Variants in CSGALNACT1 observed in about 807,000 individuals in gnomAD.
CSGALNACT1 encodes the protein chondroitin sulfate N-acetylgalactosaminyltransferase 1, also known as beta4GalNAcT-1.
In CSGALNACT1, 52 loss-of-function variants were observed where a neutral mutation model predicts 51.0. The ratio of observed to expected loss-of-function variants is 1.02; its 90% confidence interval spans 0.82 to 1.29. CSGALNACT1 has a LOEUF of 1.29. Among genes scored for constraint, CSGALNACT1 ranks in the 50% most tolerant of loss-of-function variants. CSGALNACT1 has a pLI of 0.00. For synonymous variants in CSGALNACT1, 341 were observed against 254.4 expected (o/e 1.34, Z -3.24); for missense variants, 935 against 679.2 (o/e 1.38, Z -4.19).
At chr8:19,636,746 T>G (rs1396446866) in intron 1 of CSGALNACT1, among the ~76,000 whole-genome samples, 2 of 152,180 alleles carry the variant, frequency 1.3e-5, no homozygotes, top group Non-Finnish European at 2.9e-5. Flanking sequence ...AGGAATAACT[T>G]TAGAGTCTTC....
intron 1 of CSGALNACT1, among the ~76,000 whole-genome samples, chr8:19,627,716 G>A (rs866190855): frequency 5.9e-5 from 9 of 152,068 alleles, no homozygotes; most frequent in East Asian, 1.9e-4. Flanking sequence ...TCCCAGCTAC[G>A]TTGGAGGCTC....
chr8:19,615,389 G>C (rs1012957922), intron 1 of CSGALNACT1, among the ~76,000 whole-genome samples: 1 of 152,216 alleles, frequency 6.6e-6, no homozygotes, highest in Admixed American at 6.5e-5. Context: ...CTTATTCCAA[G>C]AATGCTCGTG....
chr8:19,432,480 G>C (rs541763629), intron 6 of CSGALNACT1, among the ~76,000 whole-genome samples: 3 of 152,228 alleles, frequency 2.0e-5, no homozygotes, highest in South Asian at 2.1e-4. Context: ...CATCAAATTT[G>C]AGAAATTTTT....
chr8:19,483,207 A>G (rs13267265), intron 4 of CSGALNACT1, among the ~76,000 whole-genome samples: 114,817 of 152,106 alleles, frequency 0.75, 44,087 homozygotes, highest in East Asian at 0.86. Context: ...AGTCCCTCCA[A>G]TACATTCTCA....
chr8:19,549,019 G>A (rs754136883), intron 3 of CSGALNACT1, among the ~76,000 whole-genome samples: 3 of 151,874 alleles, frequency 2.0e-5, no homozygotes, highest in Non-Finnish European at 2.9e-5. Context: ...GTCTCACTAT[G>A]TTGCCCATGT....
chr8:19,516,427 G>A (rs765113827), intron 3 of CSGALNACT1, among the ~76,000 whole-genome samples: 9 of 152,018 alleles, frequency 5.9e-5, no homozygotes, highest in Non-Finnish European at 7.4e-5. Context: ...TACACCCAGC[G>A]TGTCCAATTT....
chr8:19,548,714 C>T (rs2087120031), intron 3 of CSGALNACT1, among the ~76,000 whole-genome samples: 1 of 152,092 alleles, frequency 6.6e-6, no homozygotes, highest in Admixed American at 6.5e-5. Flanking sequence ...AGCCTTTTGC[C>T]CTCTCCAACT....
intron 4 of CSGALNACT1, among the ~76,000 whole-genome samples, chr8:19,477,556 G>C (rs1364924137): frequency 6.6e-6 from 1 of 152,204 alleles, no homozygotes; most frequent in African/African-American, 2.4e-5. Flanking sequence ...CCTTGGTTAT[G>C]TAACTGGTTA....
Position 19,585,712 on chromosome 8 carries a change from A to G in CSGALNACT1, c.-297+5448T>C, listed in dbSNP as rs146971427. On this transcript the variant is annotated intron_variant, in intron 3 of 9. Coordinates refer to ENST00000454498, the Ensembl canonical transcript of CSGALNACT1. Reference sequence around the variant, plus strand: ...TGGAGATTCTAGAAGGTGTTAGGCCATGAGGTGTAAAATGAGAAGAACCCA... The same window carrying G: ...TGGAGATTCTAGAAGGTGTTAGGCCGTGAGGTGTAAAATGAGAAGAACCCA... Among the ~76,000 whole-genome samples the G allele has an allele frequency of 4.2e-3, 643 of 152,330 alleles. 8 individuals carry two copies. Among genetic ancestry groups the G allele is most frequent in the African/African-American group, 0.015 (608 of 41,580 alleles).
intron 1 of CSGALNACT1, among the ~76,000 whole-genome samples, chr8:19,678,294 A>T (rs1013464488): frequency 1.2e-4 from 19 of 152,202 alleles, no homozygotes; most frequent in African/African-American, 4.1e-4. Context: ...GGCTCTTTAG[A>T]ATTAGCATGT....
chr8:19,472,771 A>T (rs901607157), intron 4 of CSGALNACT1, among the ~76,000 whole-genome samples: 14 of 152,270 alleles, frequency 9.2e-5, no homozygotes, highest in African/African-American at 3.4e-4. Flanking sequence ...TTTCCAAAGC[A>T]TATCAGAAAA....
rs532069290 is a variant in CSGALNACT1 at position 19,535,197 on chromosome 8, G to GA, written c.-296-29068dup. Among the ~76,000 whole-genome samples the GA allele has an allele frequency of 6.8e-3, 1,018 of 149,450 alleles. 9 individuals carry two copies. Among genetic ancestry groups the GA allele is most frequent in the South Asian group, 0.022 (104 of 4,740 alleles). On this transcript the variant is annotated intron_variant, in intron 3 of 9. Transcript: ENST00000454498. ...TACTGACATATAAATGACAACATTT[G>GA]AAAAAAAAATAGAAAAGAAATATTA...
At chr8:19,506,343 G>C (rs776614973) in intron 3 of CSGALNACT1, among the ~76,000 whole-genome samples, 1 of 152,212 alleles carries the variant, frequency 6.6e-6, no homozygotes, top group Non-Finnish European at 1.5e-5. Flanking sequence ...AAAAAAGATT[G>C]GAAGGAAAAT....
intron 2 of CSGALNACT1, among the ~76,000 whole-genome samples, chr8:19,591,968 C>T (rs1270232839): frequency 2.0e-5 from 3 of 152,006 alleles, no homozygotes; most frequent in African/African-American, 7.3e-5. Flanking sequence ...TTGATAAGAA[C>T]ACATCATTTA....
intron 4 of CSGALNACT1, among the ~76,000 whole-genome samples, chr8:19,478,775 C>G (rs1220787408): frequency 6.6e-6 from 1 of 152,100 alleles, no homozygotes; most frequent in Admixed American, 6.6e-5. Flanking sequence ...TTAATGTTGC[C>G]AAAGCCTAAT....
chr8:19,543,060 A>G (rs188368419), intron 3 of CSGALNACT1, among the ~76,000 whole-genome samples: 1 of 152,340 alleles, frequency 6.6e-6, no homozygotes, highest in African/African-American at 2.4e-5. Context: ...AGTCAGTTAC[A>G]TATGCAAAAT....
At chr8:19,714,453 C>T (rs919235757) in intron 1 of CSGALNACT1, among the ~76,000 whole-genome samples, 21 of 150,138 alleles carry the variant, frequency 1.4e-4, no homozygotes, top group African/African-American at 4.2e-4. Context: ...AATATTTTCC[C>T]ATCTCTATTC....
intron 1 of CSGALNACT1, among the ~76,000 whole-genome samples, chr8:19,707,796 A>T (rs7840358): frequency 0.41 from 62,103 of 151,936 alleles, 13,067 homozygotes; most frequent in East Asian, 0.65. Context: ...AGGTCAGGAG[A>T]TCGAGATCAG....
intron 1 of CSGALNACT1, among the ~76,000 whole-genome samples, chr8:19,697,826 G>C (rs1341691252): frequency 6.6e-6 from 1 of 152,180 alleles, no homozygotes; most frequent in African/African-American, 2.4e-5. Context: ...TTAGAGAGAG[G>C]TGGTGGGTAA....
Sources: gnomAD v4.1 joint callset for allele counts (sites outside exome capture counted in the v4.1 genomes callset) on GRCh38, gnomAD v4.1.1 for gene constraint, MANE v1.5 for transcripts, NCBI Gene and HGNC (gene_info 2026-07-23, HGNC 2026-07-21) for gene names.